PLAC9: variants seen among roughly 807,000 people sequenced by gnomAD.
PLAC9 encodes the protein placenta associated 9, also known as placenta-specific protein 9.
Under a neutral mutation model 11.5 loss-of-function variants are expected in PLAC9, and 12 were observed. The ratio of observed to expected loss-of-function variants is 1.05; its 90% CI spans 0.67 to 1.69. The LOEUF (loss-of-function observed/expected upper bound fraction) is 1.69, where lower values mean the gene tolerates loss of function less well. PLAC9 is among the 40% of genes most tolerant of loss of function. PLAC9 has a pLI of 0.00. For synonymous variants in PLAC9, 62 were observed against 58.1 expected, an observed-to-expected ratio of 1.07 and a Z score of -0.31; for missense variants, 132 against 130.5, an observed-to-expected ratio of 1.01 and a Z score of -0.06.
intron 3 of PLAC9, 71 bp from the exon 4 acceptor site, chr10:80,144,829 G>A: frequency 6.8e-7 from 1 of 1,471,112 alleles, no homozygotes; most frequent in Non-Finnish European, 9.1e-7. Context: ...GGAAGGAACT[G>A]CTGGGCACCA....
At chr10:80,143,979 C>T in intron 2 of PLAC9, 2 of 535,268 alleles carry the variant, frequency 3.7e-6, no homozygotes, top group South Asian at 4.3e-5. Flanking sequence ...GGCGCTTCAT[C>T]CAAATCTGTG....
At chr10:80,134,117 G>A (rs1844945580) in intron 1 of PLAC9, among the ~76,000 whole-genome samples, 2 of 152,008 alleles carry the variant, frequency 1.3e-5, no homozygotes, top group Admixed American at 1.3e-4. Flanking sequence ...GTATGTGAAA[G>A]AATCATGTAA....
At chr10:80,137,274 G>T (rs532582870) in intron 1 of PLAC9, among the ~76,000 whole-genome samples, 2 of 152,314 alleles carry the variant, frequency 1.3e-5, no homozygotes, top group Middle Eastern at 3.4e-3. Context: ...TCACAGACAC[G>T]TAGAGAACAG....
At position 80,145,211 on chromosome 10, in the gene PLAC9, CCTTG is replaced by C; in HGVS notation, c.*305_*308del. 1.9e-6 allele frequency: 1 copy of C among 531,922 alleles called. No homozygotes were observed. The highest frequency in any genetic ancestry group is 3.3e-6 in the Non-Finnish European group (1 of 303,302). The allele number at this position is 531,922 out of a possible 1,614,324, so 33.0% of individuals were successfully genotyped here. A position where few individuals can be genotyped will look rare whatever the true frequency, so the allele number is the denominator to read the frequency against. On this transcript the variant is annotated 3_prime_UTR_variant, in exon 4 of 4. Transcript: ENST00000372263. ...ACACAGATGGGGGCCCTTTGAGTGG[CCTTG>C]CTTCTCAAAATGTGGCCATAGGTGA...
intron 1 of PLAC9, among the ~76,000 whole-genome samples, chr10:80,133,162 A>G (rs1844932826): frequency 6.6e-6 from 1 of 152,232 alleles, no homozygotes; most frequent in Non-Finnish European, 1.5e-5. Context: ...GAAGAAGGAA[A>G]GAGAAAAAGT....
intron 1 of PLAC9, among the ~76,000 whole-genome samples, chr10:80,139,071 C>A (rs2819882): frequency 0.4 from 60,842 of 151,054 alleles, 13,132 homozygotes; most frequent in East Asian, 0.51. Context: ...CCTGCCTCAG[C>A]CTCCCTAGTA....
At chr10:80,136,323 A>G (rs555402523) in intron 1 of PLAC9, among the ~76,000 whole-genome samples, 1 of 152,232 alleles carries the variant, frequency 6.6e-6, no homozygotes, top group East Asian at 1.9e-4. Context: ...GGCCTGGGAG[A>G]GCGGGAGGAA....
intron 2 of PLAC9, among the ~76,000 whole-genome samples, chr10:80,142,533 T>C (rs188667114): frequency 2.6e-4 from 39 of 152,314 alleles, no homozygotes; most frequent in Middle Eastern, 6.8e-3. Context: ...AGCATTCTCA[T>C]TCATCATAAA....
chr10:80,133,628 G>A (rs1246819338), intron 1 of PLAC9, among the ~76,000 whole-genome samples: 2 of 152,144 alleles, frequency 1.3e-5, no homozygotes, highest in Admixed American at 6.6e-5. Context: ...GGAGAGCTGT[G>A]CGGAGGAGAG....
At chr10:80,143,868 T>G (rs139826124) in intron 2 of PLAC9, among the ~76,000 whole-genome samples, 28 of 152,166 alleles carry the variant, frequency 1.8e-4, no homozygotes, top group African/African-American at 6.7e-4. Flanking sequence ...AATTTCAGAA[T>G]CCCAAACCTG....
chr10:80,142,217 C>A, intron 2 of PLAC9, 38 bp downstream of exon 2: 1 of 1,524,304 alleles, frequency 6.6e-7, no homozygotes, highest in Non-Finnish European at 9.1e-7. Context: ...GAGTTCAGGA[C>A]CACCTTCTAG....
intron 1 of PLAC9, among the ~76,000 whole-genome samples, chr10:80,140,175 T>C (rs1421619032): frequency 6.6e-6 from 1 of 151,952 alleles, no homozygotes; most frequent in East Asian, 1.9e-4. Context: ...CCTGTCTTCC[T>C]CCTGTCCCTC....
At chr10:80,144,782 C>A in intron 3 of PLAC9, 118 bp from the exon 4 acceptor site, 1 of 1,046,582 alleles carries the variant, frequency 9.6e-7, no homozygotes. Context: ...ATCCTTGTGT[C>A]CCGCGCGCAG....
chr10:80,139,602 T>G (rs905118652), intron 1 of PLAC9, among the ~76,000 whole-genome samples: 2 of 152,162 alleles, frequency 1.3e-5, no homozygotes, highest in Non-Finnish European at 2.9e-5. Context: ...GCATCCCTCA[T>G]TCTGCACATC....
chr10:80,142,745 G>T (rs1845055056), intron 2 of PLAC9, among the ~76,000 whole-genome samples: 1 of 151,980 alleles, frequency 6.6e-6, no homozygotes, highest in South Asian at 2.1e-4. Context: ...TTGAGGCAGG[G>T]TCTCTGTCTG....
At chr10:80,134,426 A>C (rs1844950749) in intron 1 of PLAC9, among the ~76,000 whole-genome samples, 1 of 151,684 alleles carries the variant, frequency 6.6e-6, no homozygotes, top group Non-Finnish European at 1.5e-5. Context: ...ACCACACCTG[A>C]CTAATTTTGG....
At chr10:80,141,731 C>T (rs1168740479) in intron 1 of PLAC9, among the ~76,000 whole-genome samples, 1 of 152,220 alleles carries the variant, frequency 6.6e-6, no homozygotes, top group East Asian at 1.9e-4. Flanking sequence ...CCCGCCCACC[C>T]TGTATCTCCA....
upstream of PLAC9, chr10:80,131,856 G>A (rs1844917008): frequency 1.3e-5 from 2 of 152,274 alleles, no homozygotes; most frequent in Admixed American, 1.3e-4. Flanking sequence ...GACCCTTGAT[G>A]GACAAAGGCA....
At chr10:80,141,971 G>A in intron 1 of PLAC9, 111 bp from the exon 2 acceptor site, 1 of 706,018 alleles carries the variant, frequency 1.4e-6, no homozygotes, top group Non-Finnish European at 2.2e-6. Context: ...TCCTCCGCTT[G>A]CTCCTGAGTT....
Sources: gnomAD v4.1 joint callset for allele counts (sites outside exome capture counted in the v4.1 genomes callset) on GRCh38, gnomAD v4.1.1 for gene constraint, MANE v1.5 for transcripts, NCBI Gene and HGNC (gene_info 2026-07-23, HGNC 2026-07-21) for gene names.